PACC1: variants seen among roughly 807,000 people sequenced by gnomAD.
PACC1 encodes proton-activated chloride channel.
A neutral mutation model predicts 39.7 loss-of-function variants in PACC1; 34 were observed. The ratio of observed to expected loss-of-function variants is 0.86; its 90% CI spans 0.65 to 1.14. PACC1 has a LOEUF of 1.14. PACC1 is among the 50% of genes most tolerant of loss of function. The probability of loss-of-function intolerance (pLI) is 0.00; values close to 1 mark genes in which losing one functional copy is unlikely to be tolerated. For synonymous variants in PACC1, 127 were observed against 160.6 expected (o/e 0.79, Z 1.58); for missense variants, 379 against 436.4 (o/e 0.87, Z 1.17).
chr1:212,372,302 CA>C (rs1660491084), intron 7 of PACC1, among the ~76,000 whole-genome samples: 1 of 145,792 alleles, frequency 6.9e-6, no homozygotes, highest in Non-Finnish European at 1.5e-5. Context: ...AAACAAAAAA[CA>C]AAAAACAAAA....
At chr1:212,401,284 AC>A (rs1440547687) in intron 2 of PACC1, among the ~76,000 whole-genome samples, 1 of 151,952 alleles carries the variant, frequency 6.6e-6, no homozygotes, top group African/African-American at 2.4e-5. Context: ...TGAACATTTC[AC>A]ATAAAGGGCA....
At chr1:212,397,364 C>T (rs1392931497) in intron 2 of PACC1, among the ~76,000 whole-genome samples, 2 of 152,150 alleles carry the variant, frequency 1.3e-5, no homozygotes, top group African/African-American at 4.8e-5. Flanking sequence ...CTAAACCGTC[C>T]AATTAAAAAG....
intron 2 of PACC1, among the ~76,000 whole-genome samples, chr1:212,407,765 A>G (rs563135031): frequency 5.8e-4 from 89 of 152,274 alleles, no homozygotes; most frequent in African/African-American, 2.1e-3. Context: ...ACCACCACTT[A>G]AAATAGTTTT....
chr1:212,387,925 A>G (rs1376969495), intron 2 of PACC1, among the ~76,000 whole-genome samples: 3 of 151,900 alleles, frequency 2.0e-5, no homozygotes, highest in Admixed American at 6.6e-5. Flanking sequence ...GTGGTGGCGC[A>G]TGCCTGTAAT....
intron 4 of PACC1, among the ~76,000 whole-genome samples, chr1:212,383,198 C>T (rs1393958799): frequency 6.6e-6 from 1 of 152,200 alleles, no homozygotes; most frequent in Non-Finnish European, 1.5e-5. Flanking sequence ...AACTTCATTT[C>T]CATAAAAACA....
chr1:212,384,578 T>C (rs1661028390), intron 4 of PACC1, among the ~76,000 whole-genome samples: 1 of 152,234 alleles, frequency 6.6e-6, no homozygotes, highest in Non-Finnish European at 1.5e-5. Context: ...TCCTTCCCAA[T>C]TTCATCTGGA....
At chr1:212,377,033 G>C (rs886901245) in intron 6 of PACC1, 1 of 154,570 alleles carries the variant, frequency 6.5e-6, no homozygotes, top group African/African-American at 2.4e-5. Context: ...TGTATATGGA[G>C]TATATGATCA....
At chr1:212,384,363 G>C (rs748385004) in intron 4 of PACC1, among the ~76,000 whole-genome samples, 1 of 152,136 alleles carries the variant, frequency 6.6e-6, no homozygotes, top group African/African-American at 2.4e-5. Context: ...ACCCAAGGGA[G>C]CAAGTGTGGC....
At chr1:212,392,669 G>A (rs1015960420) in intron 2 of PACC1, among the ~76,000 whole-genome samples, 1 of 152,042 alleles carries the variant, frequency 6.6e-6, no homozygotes, top group East Asian at 1.9e-4. Context: ...AGACCCATCA[G>A]TGTGCTGTAT....
chr1:212,374,497 G>C (rs1571633274), intron 7 of PACC1, among the ~76,000 whole-genome samples: 1 of 152,220 alleles, frequency 6.6e-6, no homozygotes, highest in East Asian at 1.9e-4. Context: ...TAATACAGTA[G>C]AGCAATTATA....
chr1:212,385,310 C>T lies in PACC1; in HGVS notation c.459G>A (p.Arg153=). Reference sequence around the variant, plus strand: ...TGGAGAAGGGGTCCGTGTAGTTGATCCTCTGGGTGGTGCAATTCATGTCAC... The same window carrying T: ...TGGAGAAGGGGTCCGTGTAGTTGATTCTCTGGGTGGTGCAATTCATGTCAC... ...QPGDMNCTTQ[R]INYTDPFSNQ... is the part of the protein sequence containing the mutation. Residue 153 remains arginine, a synonymous_variant, in exon 4 of 8, where the codon AGG becomes AGA. Transcript: ENST00000261455. 6.2e-7 allele frequency: 1 copy of T among 1,614,070 alleles called. No homozygotes were observed. The highest frequency in any genetic ancestry group is 8.5e-7 in the Non-Finnish European group (1 of 1,180,000).
rs1054314389 is a variant in PACC1, at chr1:212,414,810, G to C, written c.-53C>G. The C allele has an allele frequency of 1.1e-5, 18 of 1,605,984 alleles. No homozygotes were observed. The highest frequency in any genetic ancestry group is 1.5e-5 in the Non-Finnish European group (18 of 1,173,918). On this transcript the variant is annotated 5_prime_UTR_variant, in exon 1 of 8. Transcript: ENST00000261455. The stretch of plus-strand genomic sequence containing the variant: ...GAGACCGCCCCAGCCCGCGGCGCAC[G>C]GACGCAGCACTGCGGCCGCTGCACC...
At chr1:212,388,247 A>G (rs1661177729) in intron 2 of PACC1, among the ~76,000 whole-genome samples, 1 of 152,030 alleles carries the variant, frequency 6.6e-6, no homozygotes, top group African/African-American at 2.4e-5. Context: ...GAGGGCAGGG[A>G]TGGGGCCAGT....
At chr1:212,391,064 G>GTCCC (rs1661301531) in intron 2 of PACC1, among the ~76,000 whole-genome samples, 1 of 152,232 alleles carries the variant, frequency 6.6e-6, no homozygotes, top group South Asian at 2.1e-4. Context: ...AGATTTAAAT[G>GTCCC]TCCCTGTCTG....
intron 2 of PACC1, chr1:212,387,881 C>T (rs1558173473): frequency 6.6e-6 from 1 of 151,932 alleles, no homozygotes. Context: ...TGGTGAAACC[C>T]CTGTCTCTAC....
chr1:212,369,322 A>C (rs1320249052), intron 7 of PACC1, among the ~76,000 whole-genome samples: 1 of 152,258 alleles, frequency 6.6e-6, no homozygotes, highest in African/African-American at 2.4e-5. Context: ...AAAACCAAAA[A>C]ACAAAAAACG....
At chr1:212,382,916 CT>C (rs1379729524) in intron 4 of PACC1, among the ~76,000 whole-genome samples, 1 of 152,210 alleles carries the variant, frequency 6.6e-6, no homozygotes, top group Non-Finnish European at 1.5e-5. Context: ...AAGGAGCTTA[CT>C]TCATGCCAAG....
intron 2 of PACC1, among the ~76,000 whole-genome samples, chr1:212,408,240 G>A (rs1401101723): frequency 1.3e-5 from 2 of 152,116 alleles, no homozygotes; most frequent in South Asian, 2.1e-4. Context: ...CACTTCACAG[G>A]GTTGATGTGA....
At chr1:212,409,701 C>G (rs1662052292) in intron 2 of PACC1, among the ~76,000 whole-genome samples, 1 of 152,024 alleles carries the variant, frequency 6.6e-6, no homozygotes, top group Admixed American at 6.6e-5. Flanking sequence ...ATGACATGGG[C>G]AGTTGGAAAT....
Sources: gnomAD v4.1 joint callset for allele counts (sites outside exome capture counted in the v4.1 genomes callset) on GRCh38, gnomAD v4.1.1 for gene constraint, MANE v1.5 for transcripts, NCBI Gene and HGNC (gene_info 2026-07-23, HGNC 2026-07-21) for gene names.